The following CLIP1 variants were observed in gnomAD, a reference collection of about 807,000 sequenced individuals.
The protein encoded by CLIP1 is CAP-Gly domain-containing linker protein 1.
In CLIP1, 66 loss-of-function variants were observed where a neutral mutation model predicts 161.6. The ratio of observed to expected loss-of-function variants is 0.41; its 90% CI spans 0.33 to 0.50. The LOEUF (loss-of-function observed/expected upper bound fraction) is 0.50, where lower values mean the gene tolerates loss of function less well. Among genes scored for constraint, CLIP1 ranks in the 20% least tolerant of loss-of-function variants. The pLI, the probability that CLIP1 is intolerant of heterozygous loss-of-function variation, is 0.27. For missense variants in CLIP1, 1,376 were observed against 1,702.0 expected, an observed-to-expected ratio of 0.81 and a Z score of 3.37; for synonymous variants, 598 against 626.2, an observed-to-expected ratio of 0.96 and a Z score of 0.67.
chr12:122,366,242 G>A (rs902394272), intron 3 of CLIP1, among the ~76,000 whole-genome samples: 2 of 151,870 alleles, frequency 1.3e-5, no homozygotes, highest in Non-Finnish European at 2.9e-5. Flanking sequence ...GGGAAGCGGA[G>A]GTTGCAATGA....
chr12:122,402,773 C>T (rs553291141), intron 1 of CLIP1, among the ~76,000 whole-genome samples: 41 of 152,152 alleles, frequency 2.7e-4, no homozygotes, highest in Non-Finnish European at 5.4e-4. Flanking sequence ...TACATTCCAG[C>T]CTGGGTGACA....
intron 21 of CLIP1, among the ~76,000 whole-genome samples, chr12:122,283,847 C>T (rs957540884): frequency 3.3e-5 from 5 of 152,280 alleles, no homozygotes; most frequent in African/African-American, 1.2e-4. Context: ...CTATTACTAT[C>T]TTAACTATGT....
At chr12:122,335,220 G>T (rs1216989450) in intron 12 of CLIP1, among the ~76,000 whole-genome samples, 2 of 152,150 alleles carry the variant, frequency 1.3e-5, no homozygotes, top group African/African-American at 4.8e-5. Context: ...AATAGGCCAA[G>T]CTAAAAATCA....
At position 122,356,709 on chromosome 12, in the gene CLIP1, T is replaced by G. The variant is rs541045300; in HGVS notation, c.1006-1397A>C. Among the ~76,000 whole-genome samples the G allele has an allele frequency of 7.9e-4, 121 of 152,296 alleles. 1 individual carries two copies. The highest frequency in any genetic ancestry group is 3.4e-3 in the Middle Eastern group (1 of 294). On this transcript the variant is annotated intron_variant, in intron 5 of 25. Coordinates refer to ENST00000620786, the MANE Select transcript of CLIP1 (RefSeq NM_001247997.2). ...CCGAGCCGAAGCTGGACTGTACTGC[T>G]GCCATCTCGGCTCACTGCAGCCTCC...
rs1955340778 is a variant in CLIP1 at position 122,387,559 on chromosome 12, TATATATATATATATATATATATATA to T, written c.-106-7026_-106-7002del. Among the ~76,000 whole-genome samples the T allele has an allele frequency of 3.2e-4, 3 of 9,522 alleles. 1 individual carries two copies. Among genetic ancestry groups the T allele is most frequent in the African/African-American group, 5.3e-4 (3 of 5,704 alleles). 6.2% of individuals were successfully genotyped at this position (9,522 alleles called of 152,430 possible). ...ATACATGCCTTTTCATATATATATATATATATATATATATATATATATATATATATATTTTTTTTTTTTTTTTTTT... is the reference window on the plus strand; with the variant it reads ...ATACATGCCTTTTCATATATATATATTATATATTTTTTTTTTTTTTTTTTT... On this transcript the variant is annotated intron_variant, in intron 1 of 25. Coordinates refer to ENST00000620786, the MANE Select transcript of CLIP1 (RefSeq NM_001247997.2).
At position 122,421,640 on chromosome 12, in the gene CLIP1, G is replaced by A. The variant is rs76872531; in HGVS notation, c.-107+881C>T. Among the ~76,000 whole-genome samples the A allele has an allele frequency of 1.7e-3, 266 of 152,278 alleles. 1 individual carries two copies. The highest frequency in any genetic ancestry group is 6.2e-3 in the African/African-American group (259 of 41,560). On this transcript the variant is annotated intron_variant, in intron 1 of 25. Transcript: ENST00000620786. The stretch of plus-strand genomic sequence containing the variant: ...GGTATCTAAACCGATGACGGACAAC[G>A]TGTAATTTCTTCATACCAAAGAGGT...
At chr12:122,334,206 A>G (rs1952110962) in intron 13 of CLIP1, 96 bp from the exon 14 acceptor site, 5 of 735,600 alleles carry the variant, frequency 6.8e-6, no homozygotes, top group Non-Finnish European at 2.3e-6. Flanking sequence ...ATTATGCTCA[A>G]GAGATCTGAG....
chr12:122,376,528 G>A (rs534900826), intron 3 of CLIP1, among the ~76,000 whole-genome samples: 8 of 152,028 alleles, frequency 5.3e-5, no homozygotes, highest in South Asian at 4.2e-4. Flanking sequence ...GTGCGGTGGC[G>A]CAATCTCGGC....
intron 1 of CLIP1, among the ~76,000 whole-genome samples, chr12:122,401,765 AAGGCG>A (rs1956151281): frequency 6.6e-6 from 1 of 152,002 alleles, no homozygotes; most frequent in Non-Finnish European, 1.5e-5. Context: ...TTGGGAGGCC[AAGGCG>A]GGAGGATGAC....
In CLIP1 at chr12:122,333,156, A is replaced by C; in HGVS notation, c.2711-13T>G. The stretch of plus-strand genomic sequence containing the variant: ...TTTGCCTCCATATCTAAATATATAG[A>C]GAAAAAAAGAATAGCACGGCTGTGT... On this transcript the variant is annotated splice_polypyrimidine_tract_variant and intron_variant, in intron 14 of 25. Coordinates refer to ENST00000620786, the MANE Select transcript of CLIP1 (RefSeq NM_001247997.2). The C allele has an allele frequency of 6.3e-7, 1 of 1,594,136 alleles. No individual in the cohort carries two copies. The highest frequency in any genetic ancestry group is 2.2e-5 in the East Asian group (1 of 44,730).
At chr12:122,282,929 A>T (rs1007885352) in intron 21 of CLIP1, among the ~76,000 whole-genome samples, 5 of 152,336 alleles carry the variant, frequency 3.3e-5, no homozygotes, top group Admixed American at 1.3e-4. Context: ...GCTCGGAGAC[A>T]GTCAGACAGT....
At position 122,341,194 on chromosome 12, in the gene CLIP1, G is replaced by A; in HGVS notation, c.2010C>T (p.Tyr670=). ...TCTGCAAATTTTCTATTTCGTGTTG[G>A]TAATCTAGTCTCATTTTCTCTATTT... ...KTQIEKMRLD[Y]QHEIENLQNQ... The change falls in exon 11 of 26, where the codon TAC becomes TAT. Residue 670 remains tyrosine (Y), a synonymous_variant. Coordinates refer to ENST00000620786, the MANE Select transcript of CLIP1 (RefSeq NM_001247997.2). The A allele has an allele frequency of 6.2e-7, 1 of 1,614,072 alleles. No individual in the cohort carries two copies. Among genetic ancestry groups the A allele is most frequent in the Non-Finnish European group, 8.5e-7 (1 of 1,180,026 alleles).
At chr12:122,421,423 TAAG>T (rs1956937712) in intron 1 of CLIP1, among the ~76,000 whole-genome samples, 1 of 152,032 alleles carries the variant, frequency 6.6e-6, no homozygotes, top group Non-Finnish European at 1.5e-5. Flanking sequence ...AATCAAATAA[TAAG>T]AACAGCCAGA....
At chr12:122,331,880 A>G (rs1951985866) in intron 15 of CLIP1, among the ~76,000 whole-genome samples, 1 of 152,032 alleles carries the variant, frequency 6.6e-6, no homozygotes, top group Non-Finnish European at 1.5e-5. Flanking sequence ...CTGTAGTCCC[A>G]GCTACTAGGG....
intron 1 of CLIP1, among the ~76,000 whole-genome samples, chr12:122,404,882 A>T (rs1391486145): frequency 2.7e-5 from 4 of 150,340 alleles, no homozygotes; most frequent in Non-Finnish European, 5.9e-5. Flanking sequence ...CCCGGGTGAC[A>T]GAGCGAGACT....
chr12:122,364,457 G>A (rs932678081), intron 3 of CLIP1, among the ~76,000 whole-genome samples: 2 of 149,864 alleles, frequency 1.3e-5, no homozygotes, highest in Admixed American at 1.3e-4. Flanking sequence ...AGGCTAGAGT[G>A]CAGTGGCACC....
rs557547256 is a variant in CLIP1 at position 122,301,397 on chromosome 12, G to A, written c.3594+8365C>T. On this transcript the variant is annotated intron_variant, in intron 20 of 25. Transcript: ENST00000620786. ...ATTAAAAACTTAGTCTGGGTCGGGC[G>A]CGGCGGCTCATGCCTATAATCCCAG... Among the ~76,000 whole-genome samples the A allele has an allele frequency of 3.1e-4, 47 of 152,296 alleles. 1 individual carries two copies. The highest frequency in any genetic ancestry group is 6.8e-3 in the Middle Eastern group (2 of 294).
intron 17 of CLIP1, 90 bp downstream of exon 17, chr12:122,327,857 C>T: frequency 8.1e-7 from 1 of 1,235,530 alleles, no homozygotes; most frequent in Non-Finnish European, 1.2e-6. Context: ...TTAACTTTTC[C>T]CACTGGCTGC....
chr12:122,398,354 G>A (rs901836325), intron 1 of CLIP1, among the ~76,000 whole-genome samples: 1 of 151,072 alleles, frequency 6.6e-6, no homozygotes, highest in African/African-American at 2.4e-5. Context: ...GAACCCTGGA[G>A]GTGGAGGTTG....
Sources: gnomAD v4.1 joint callset for allele counts (sites outside exome capture counted in the v4.1 genomes callset) on GRCh38, gnomAD v4.1.1 for gene constraint, MANE v1.5 for transcripts, NCBI Gene and HGNC (gene_info 2026-07-23, HGNC 2026-07-21) for gene names.